The following CAMKK2 variants were observed in gnomAD, a reference collection of about 807,000 sequenced individuals.
The protein encoded by CAMKK2 is calcium/calmodulin-dependent protein kinase kinase 2.
Under a neutral mutation model 67.2 loss-of-function variants are expected in CAMKK2, and 30 were observed. The observed-to-expected ratio is 0.45, with a 90% CI of 0.33 to 0.61. The LOEUF (loss-of-function observed/expected upper bound fraction) is 0.61. CAMKK2 is among the 20% of genes least tolerant of loss of function. The pLI, the probability that CAMKK2 is intolerant of heterozygous loss-of-function variation, is 0.02. For missense variants in CAMKK2, 643 were observed against 802.0 expected, an observed-to-expected ratio of 0.80 and a Z score of 2.39; for synonymous variants, 322 against 326.2, an observed-to-expected ratio of 0.99 and a Z score of 0.14.
intron 1 of CAMKK2, among the ~76,000 whole-genome samples, chr12:121,288,905 C>G (rs894119581): frequency 5.3e-5 from 8 of 152,104 alleles, no homozygotes; most frequent in African/African-American, 1.9e-4. Flanking sequence ...GGGGTGGGGG[C>G]ACTACAGAAT....
chr12:121,275,947 G>A (rs527805067), intron 1 of CAMKK2, among the ~76,000 whole-genome samples: 1 of 152,192 alleles, frequency 6.6e-6, no homozygotes, highest in African/African-American at 2.4e-5. Flanking sequence ...GGATCATGAG[G>A]TCAGGAGTTC....
At chr12:121,255,831 T>G in intron 7 of CAMKK2, 27 bp from the exon 8 acceptor site, 1 of 1,612,248 alleles carries the variant, frequency 6.2e-7, no homozygotes, top group Non-Finnish European at 8.5e-7. Flanking sequence ...GGTGAAACTG[T>G]TACATGGGAA....
intron 2 of CAMKK2, among the ~76,000 whole-genome samples, chr12:121,273,448 C>T (rs899105921): frequency 6.6e-6 from 1 of 152,078 alleles, no homozygotes; most frequent in Admixed American, 6.5e-5. Flanking sequence ...TGGTGAGGAT[C>T]TGAGTTCTCT....
chr12:121,256,787 T>C (rs1892379805), intron 7 of CAMKK2, among the ~76,000 whole-genome samples: 1 of 152,168 alleles, frequency 6.6e-6, no homozygotes, highest in African/African-American at 2.4e-5. Context: ...TAGACCACAT[T>C]TTCTTTGTCC....
intron 13 of CAMKK2, 69 bp from the exon 14 acceptor site, chr12:121,248,803 G>A (rs1220138737): frequency 1.9e-6 from 3 of 1,583,364 alleles, no homozygotes; most frequent in African/African-American, 1.3e-5. Flanking sequence ...CCAGCGAGCG[G>A]AGCCACAAGG....
intron 1 of CAMKK2, among the ~76,000 whole-genome samples, chr12:121,282,555 G>A (rs967092781): frequency 6.6e-6 from 1 of 152,090 alleles, no homozygotes; most frequent in African/African-American, 2.4e-5. Context: ...GGAGGGGGAA[G>A]GCCACACGGA....
intron 15 of CAMKK2, among the ~76,000 whole-genome samples, chr12:121,244,894 G>A (rs1007039157): frequency 2.0e-5 from 3 of 152,206 alleles, no homozygotes; most frequent in Admixed American, 6.5e-5. Flanking sequence ...CTGACCAAGA[G>A]CCCCCCAGCT....
chr12:121,267,549 G>A lies in CAMKK2; in HGVS notation c.625+1089C>T, dbSNP rs80128960. Among the ~76,000 whole-genome samples the A allele has an allele frequency of 5.9e-5, 9 of 151,894 alleles. No homozygotes were observed. The East Asian group carries it at 1.6e-3, about 26-fold the overall frequency. ...GCTCTGTCACCCAGGCTGGAGTGCA[G>A]TGGCATGATCTCGGCTCACTGCAAC... On this transcript the variant is annotated intron_variant, in intron 5 of 16. Transcript: ENST00000404169.
chr12:121,283,221 C>T (rs763805359), intron 1 of CAMKK2, among the ~76,000 whole-genome samples: 9 of 152,166 alleles, frequency 5.9e-5, no homozygotes, highest in Non-Finnish European at 1.0e-4. Context: ...CTGAGAGGCT[C>T]GGCTGCATCC....
chr12:121,297,151 C>G (rs1264067454), upstream of CAMKK2: 1 of 154,136 alleles, frequency 6.5e-6, no homozygotes, highest in East Asian at 1.9e-4. Flanking sequence ...TCGGGCGGGC[C>G]GCGCCGGCAG....
rs116286343 is a variant in CAMKK2, at chr12:121,286,918, C to A, written c.-60+9720G>T. ...GGCTTCCTTTTTTTGGGGGGCGGGG[C>A]GGTTGGGGACAGGGTCTCACTCTAT... On this transcript the variant is annotated intron_variant, in intron 1 of 16. Coordinates refer to ENST00000404169, the MANE Select transcript of CAMKK2 (RefSeq NM_001270485.2). 2.8e-4 allele frequency among the ~76,000 whole-genome samples: 43 copies of A among 151,052 alleles called. No individual in the cohort carries two copies. In the East Asian group the frequency reaches 5.6e-3, roughly 20 times the overall value.
chr12:121,246,530 G>A (rs1250980988), intron 14 of CAMKK2, among the ~76,000 whole-genome samples: 2 of 151,742 alleles, frequency 1.3e-5, no homozygotes, highest in Non-Finnish European at 2.9e-5. Flanking sequence ...TGGGCAACGA[G>A]AGCAAAACTC....
rs7962382 is a variant in CAMKK2, at chr12:121,256,759, A to G, written c.797-955T>C. Among the ~76,000 whole-genome samples the G allele has an allele frequency of 2.4e-3, 366 of 152,314 alleles. 2 individuals carry two copies. The highest frequency in any genetic ancestry group is 7.4e-3 in the African/African-American group (308 of 41,554). ...GCTTCATTCCCTTTAATGGCTGAATAATATTCCATTGTATGGATAGACCAC... is the reference window on the plus strand; with the variant it reads ...GCTTCATTCCCTTTAATGGCTGAATGATATTCCATTGTATGGATAGACCAC... On this transcript the variant is annotated intron_variant, in intron 7 of 16. Coordinates refer to ENST00000404169, the MANE Select transcript of CAMKK2 (RefSeq NM_001270485.2).
At position 121,240,151 on chromosome 12, in the gene CAMKK2, G is replaced by A. The variant is rs201928622; in HGVS notation, c.*548C>T. On this transcript the variant is annotated 3_prime_UTR_variant, in exon 17 of 17. Coordinates refer to ENST00000404169, the MANE Select transcript of CAMKK2 (RefSeq NM_001270485.2). The surrounding 1 kb of genome is among the most constrained non-coding windows in gnomAD (Gnocchi z 4.4). Reference sequence around the variant, plus strand: ...TAAAAATCCTTCTTACAAATAAGTTGCATCAAAGCTCCCTGCAGCTACTGA... The same window carrying A: ...TAAAAATCCTTCTTACAAATAAGTTACATCAAAGCTCCCTGCAGCTACTGA... 7.6e-4 allele frequency: 299 copies of A among 392,880 alleles called. 2 individuals carry two copies. Among genetic ancestry groups the A allele is most frequent in the Non-Finnish European group, 1.2e-3 (269 of 219,880 alleles). 24.3% of individuals were successfully genotyped at this position (392,880 alleles called of 1,614,324 possible).
chr12:121,260,198 C>T (rs760359101), intron 7 of CAMKK2, 121 bp downstream of exon 7: 9 of 818,248 alleles, frequency 1.1e-5, no homozygotes, highest in African/African-American at 1.8e-5. Flanking sequence ...CCAGCTGGAC[C>T]AGGAAAGGGA....
rs113828491 is a variant in CAMKK2 at position 121,252,589 on chromosome 12, TC to T, written c.1161+71del. ...AACTCTTAAATAAGTAAGTACTGTCTCCCCGCAAGGGTGACTATTAACCCAG... is the reference window on the plus strand; with the variant it reads ...AACTCTTAAATAAGTAAGTACTGTCTCCCGCAAGGGTGACTATTAACCCAG... On this transcript the variant is annotated intron_variant, in intron 11 of 16. Transcript: ENST00000404169. The T allele has an allele frequency of 5.7e-3, 7,989 of 1,396,170 alleles. 342 individuals carry two copies. The African/African-American group carries it at 0.093, about 16-fold the overall frequency. The allele number at this position is 1,396,170 out of a possible 1,614,324, so 86.5% of individuals were successfully genotyped here. A position where few individuals can be genotyped will look rare whatever the true frequency, so the allele number is the denominator to read the frequency against.
chr12:121,250,931 G>A (rs1364998125), intron 11 of CAMKK2, among the ~76,000 whole-genome samples: 1 of 152,216 alleles, frequency 6.6e-6, no homozygotes, highest in Non-Finnish European at 1.5e-5. Context: ...CAGGAAGTAC[G>A]AAGAGGGATT....
intron 7 of CAMKK2, among the ~76,000 whole-genome samples, chr12:121,258,989 C>A (rs1318722564): frequency 6.6e-6 from 1 of 151,892 alleles, no homozygotes; most frequent in Non-Finnish European, 1.5e-5. Flanking sequence ...ATTATAGGTG[C>A]ACACCCCCAT....
chr12:121,288,388 G>C (rs1228430027), intron 1 of CAMKK2, among the ~76,000 whole-genome samples: 1 of 152,016 alleles, frequency 6.6e-6, no homozygotes, highest in Admixed American at 6.6e-5. Context: ...CCTCAGCTGA[G>C]GGACAAGAAG....
Sources: gnomAD v4.1 joint callset for allele counts (sites outside exome capture counted in the v4.1 genomes callset) on GRCh38, gnomAD v4.1.1 for gene constraint, Gnocchi (gnomAD v3.1) non-coding constraint, MANE v1.5 for transcripts, NCBI Gene and HGNC (gene_info 2026-07-23, HGNC 2026-07-21) for gene names.